Variants in MCC observed in about 807,000 individuals in gnomAD.
MCC encodes the protein colorectal mutant cancer protein.
In MCC, 90 loss-of-function variants were observed where a neutral mutation model predicts 116.2. The observed-to-expected ratio is 0.77, with a 90% CI of 0.65 to 0.92. The LOEUF (loss-of-function observed/expected upper bound fraction) is 0.92, where lower values mean the gene tolerates loss of function less well. MCC is among the 40% of genes least tolerant of loss of function. The pLI is 0.00. For missense variants in MCC, 1,516 were observed against 1,312.2 expected (o/e 1.16, Z -2.40); for synonymous variants, 578 against 510.5 (o/e 1.13, Z -1.78).
At chr5:113,039,716 C>G (rs78897249) in intron 17 of MCC, among the ~76,000 whole-genome samples, 1,527 of 139,714 alleles carry the variant, frequency 0.011, 71 homozygotes, top group African/African-American at 0.037. Context: ...TCCGCGCCCC[C>G]CCCCCCAACC....
At chr5:113,268,974 G>C (rs1427916115) in intron 3 of MCC, among the ~76,000 whole-genome samples, 1 of 152,104 alleles carries the variant, frequency 6.6e-6, no homozygotes, top group Non-Finnish European at 1.5e-5. Flanking sequence ...TTTCTTAAAG[G>C]TGAGAATGCA....
At chr5:113,253,474 T>C (rs1764878192) in intron 3 of MCC, among the ~76,000 whole-genome samples, 1 of 152,134 alleles carries the variant, frequency 6.6e-6, no homozygotes, top group African/African-American at 2.4e-5. Context: ...TTGCTTCACC[T>C]TGACACACCC....
At chr5:113,153,291 G>C (rs1243370416) in intron 3 of MCC, among the ~76,000 whole-genome samples, 1 of 152,172 alleles carries the variant, frequency 6.6e-6, no homozygotes, top group Non-Finnish European at 1.5e-5. Flanking sequence ...CTACTTCTGG[G>C]GGAAAGGGCT....
At chr5:113,074,948 C>T (rs987659082) in intron 11 of MCC, among the ~76,000 whole-genome samples, 2 of 152,240 alleles carry the variant, frequency 1.3e-5, no homozygotes, top group Non-Finnish European at 2.9e-5. Context: ...TCGGTGTCTG[C>T]TCTGGCCATG....
chr5:113,068,126 G>A lies in MCC; in HGVS notation c.1983C>T (p.Ser661=). 1.2e-6 allele frequency: 2 copies of A among 1,614,210 alleles called. No individual in the cohort carries two copies. Among genetic ancestry groups the A allele is most frequent in the Admixed American group, 3.3e-5 (2 of 60,030 alleles). Residue 661 remains serine, a synonymous_variant, in exon 13 of 19, where the codon AGC becomes AGT. Coordinates refer to ENST00000408903, the MANE Select transcript of MCC (RefSeq NM_001085377.2). ...CCGCTCGGAACTGCCCCAGGATGAG[G>A]CTCTGCTCACTCTCTGCCAGCGCCA... ...LLLALAESEQ[S]LILGQFRAAG... is the part of the protein sequence containing the mutation.
intron 3 of MCC, among the ~76,000 whole-genome samples, chr5:113,248,422 A>G (rs760473902): frequency 6.6e-6 from 1 of 152,140 alleles, no homozygotes; most frequent in Non-Finnish European, 1.5e-5. Context: ...CTGTCACTTC[A>G]TTGCCTCAGT....
At position 113,049,849 on chromosome 5, in the gene MCC, C is replaced by T. The variant is rs565453666; in HGVS notation, c.2449-550G>A. 1.4e-4 allele frequency among the ~76,000 whole-genome samples: 21 copies of T among 152,342 alleles called. No homozygotes were observed. In the South Asian group the frequency reaches 4.1e-3, roughly 30 times the overall value. On this transcript the variant is annotated intron_variant, in intron 15 of 18. Transcript: ENST00000408903. Reference sequence around the variant, plus strand: ...CCTGCAGCAGCATCAACCTCCAGCTCTTGCCTACTTCTCAGGGCCCAAATG... The same window carrying T: ...CCTGCAGCAGCATCAACCTCCAGCTTTTGCCTACTTCTCAGGGCCCAAATG...
intron 1 of MCC, among the ~76,000 whole-genome samples, chr5:113,439,628 T>C (rs1181547165): frequency 1.3e-5 from 2 of 152,154 alleles, no homozygotes; most frequent in East Asian, 1.9e-4. Context: ...TCACTGAAGA[T>C]AGCTGAGGAG....
intron 6 of MCC, 184 bp from the exon 7 acceptor site, chr5:113,104,539 T>C: frequency 2.2e-6 from 1 of 454,196 alleles, no homozygotes; most frequent in Non-Finnish European, 3.9e-6. Context: ...AAGCTCTTTT[T>C]ATTAAAGAGT....
chr5:113,444,049 T>A (rs1212258505), intron 1 of MCC, among the ~76,000 whole-genome samples: 19 of 148,970 alleles, frequency 1.3e-4, no homozygotes, highest in Admixed American at 1.1e-3. Context: ...TTCGCCAAGT[T>A]GGCCAGGCTG....
Position 113,271,394 on chromosome 5 carries a change from T to C in MCC, c.627+69125A>G, listed in dbSNP as rs145021479. On this transcript the variant is annotated intron_variant, in intron 3 of 18. Transcript: ENST00000408903. ...GGAACCAGAAAACAGATGAAACCCA[T>C]AGACAAGAGGCCTACTTATAATGAA... Among the ~76,000 whole-genome samples, 18 of 152,270 alleles carry C rather than the reference T, an allele frequency of 1.2e-4. No homozygotes were observed. In the East Asian group the frequency reaches 3.5e-3, roughly 29 times the overall value.
chr5:113,351,299 T>C (rs1366452257), intron 2 of MCC, among the ~76,000 whole-genome samples: 1 of 152,084 alleles, frequency 6.6e-6, no homozygotes, highest in African/African-American at 2.4e-5. Flanking sequence ...TGTTTATCAA[T>C]AGATGAATGG....
intron 1 of MCC, among the ~76,000 whole-genome samples, chr5:113,387,659 T>C (rs1769294415): frequency 1.3e-5 from 2 of 152,248 alleles, no homozygotes; most frequent in South Asian, 4.1e-4. Flanking sequence ...TTTTCCTGTC[T>C]GTGTATTTTC....
intron 3 of MCC, among the ~76,000 whole-genome samples, chr5:113,327,559 A>T (rs866014428): frequency 0.012 from 960 of 79,752 alleles, 9 homozygotes; most frequent in African/African-American, 0.016. Context: ...AAAAAAAAAA[A>T]AAATATATAT....
intron 7 of MCC, among the ~76,000 whole-genome samples, chr5:113,103,434 G>A (rs1182099562): frequency 6.6e-6 from 1 of 152,218 alleles, no homozygotes. Flanking sequence ...AGATTCCAGA[G>A]AAAGAAACAC....
chr5:113,335,892 C>G (rs936366221), intron 3 of MCC, among the ~76,000 whole-genome samples: 1 of 151,718 alleles, frequency 6.6e-6, no homozygotes, highest in African/African-American at 2.4e-5. Context: ...AAACTTGGTA[C>G]AGAGTTACTG....
intron 6 of MCC, among the ~76,000 whole-genome samples, chr5:113,105,958 G>A (rs1008964977): frequency 7.2e-5 from 11 of 152,216 alleles, no homozygotes; most frequent in African/African-American, 2.6e-4. Flanking sequence ...TATAAACTAC[G>A]GATGCCCAGG....
chr5:113,085,347 T>G (rs1380344780), intron 8 of MCC, 37 bp from the exon 9 acceptor site: 6 of 1,570,112 alleles, frequency 3.8e-6, no homozygotes, highest in Non-Finnish European at 5.2e-6. Context: ...GTTGGTGGTT[T>G]CCCTGGCTAA....
At position 113,085,689 on chromosome 5, in the gene MCC, T is replaced by C. The variant is rs141776523; in HGVS notation, c.1399-379A>G. Among the ~76,000 whole-genome samples, 707 of 152,252 alleles carry C rather than the reference T, an allele frequency of 4.6e-3. 7 individuals carry two copies. Among genetic ancestry groups the C allele is most frequent in the African/African-American group, 0.016 (672 of 41,550 alleles). Reference sequence around the variant, plus strand: ...GAAGCTTCCAGGATGGATGACCATCTTTTTTTATTTTTATTTTTTTGAGAC... The same window carrying C: ...GAAGCTTCCAGGATGGATGACCATCCTTTTTTATTTTTATTTTTTTGAGAC... On this transcript the variant is annotated intron_variant, in intron 8 of 18. Coordinates refer to ENST00000408903, the MANE Select transcript of MCC (RefSeq NM_001085377.2).
Sources: gnomAD v4.1 joint callset for allele counts (sites outside exome capture counted in the v4.1 genomes callset) on GRCh38, gnomAD v4.1.1 for gene constraint, MANE v1.5 for transcripts, NCBI Gene and HGNC (gene_info 2026-07-23, HGNC 2026-07-21) for gene names.